Variants in MYO16 observed in about 807,000 individuals in gnomAD.
MYO16 encodes myosin XVI.
A neutral mutation model predicts 205.3 loss-of-function variants in MYO16; 94 were observed. The ratio of observed to expected loss-of-function variants is 0.46; its 90% CI spans 0.39 to 0.54. The LOEUF (loss-of-function observed/expected upper bound fraction) is 0.54. Among genes scored for constraint, MYO16 ranks in the 20% least tolerant of loss-of-function variants. The probability of loss-of-function intolerance (pLI) is 0.00; values close to 1 mark genes in which losing one functional copy is unlikely to be tolerated. For synonymous variants in MYO16, 988 were observed against 954.0 expected, an observed-to-expected ratio of 1.04 and a Z score of -0.66; for missense variants, 2,315 against 2,387.5, an observed-to-expected ratio of 0.97 and a Z score of 0.63.
chr13:108,823,111 T>A lies in MYO16; in HGVS notation c.944-14T>A. The A allele has an allele frequency of 3.1e-6, 5 of 1,601,230 alleles. No homozygotes were observed. The highest frequency in any genetic ancestry group is 4.2e-6 in the Non-Finnish European group (5 of 1,177,100). ...CCCATCATTTTTCTGATTTTTCTTA[T>A]TTTTTTCTTGTAGATATTGCTGCCT... On this transcript the variant is annotated splice_polypyrimidine_tract_variant and intron_variant, in intron 8 of 34. Transcript: ENST00000457511.
At chr13:108,916,440 C>T (rs1237390765) in intron 16 of MYO16, among the ~76,000 whole-genome samples, 1 of 152,204 alleles carries the variant, frequency 6.6e-6, no homozygotes, top group Non-Finnish European at 1.5e-5. Context: ...TCTTTATCTC[C>T]TCGTGTCACT....
chr13:109,116,401 A>G (rs1015250258), intron 28 of MYO16, among the ~76,000 whole-genome samples: 1 of 151,952 alleles, frequency 6.6e-6, no homozygotes, highest in Non-Finnish European at 1.5e-5. Flanking sequence ...ACCATTGCGC[A>G]TGTCTGCCTT....
chr13:108,828,033 A>T (rs1292660483), intron 9 of MYO16, among the ~76,000 whole-genome samples: 1 of 152,132 alleles, frequency 6.6e-6, no homozygotes, highest in Non-Finnish European at 1.5e-5. Context: ...AGTTTTGACA[A>T]CTGATATTTT....
intron 34 of MYO16, among the ~76,000 whole-genome samples, chr13:109,194,166 C>T (rs779693006): frequency 5.3e-5 from 8 of 152,138 alleles, no homozygotes; most frequent in Non-Finnish European, 8.8e-5. Flanking sequence ...TGAATGAAAG[C>T]CCCTCGATGG....
rs551822969 is a variant in MYO16, at chr13:108,925,150, G to T, written c.1925+15000G>T. Among the ~76,000 whole-genome samples, 41 of 152,212 alleles carry T rather than the reference G, an allele frequency of 2.7e-4. No individual in the cohort carries two copies. In the South Asian group the frequency reaches 7.9e-3, roughly 29 times the overall value. On this transcript the variant is annotated intron_variant, in intron 16 of 34. Coordinates refer to ENST00000457511, the MANE Select transcript of MYO16 (RefSeq NM_001198950.3). The stretch of plus-strand genomic sequence containing the variant: ...AAGGTGGAGTGACTTGGGTGTCCTT[G>T]ATTCTGAAAGGGCGGCACTCTCTCA...
At chr13:109,193,655 T>G (rs1594176091) in intron 34 of MYO16, among the ~76,000 whole-genome samples, 1 of 152,160 alleles carries the variant, frequency 6.6e-6, no homozygotes, top group South Asian at 2.1e-4. Flanking sequence ...TGTAACAGGT[T>G]GGGGAAAGTA....
At chr13:108,504,745 C>G in the MYO16 span, among the ~76,000 whole-genome samples, 1 of 150,694 alleles carries the variant, frequency 6.6e-6, no homozygotes, top group Non-Finnish European at 1.5e-5. Flanking sequence ...CCATGTTGGC[C>G]AGGATGGTCT....
chr13:108,601,624 A>G (rs1426706468), intron 1 of MYO16, among the ~76,000 whole-genome samples: 3 of 152,072 alleles, frequency 2.0e-5, no homozygotes, highest in Non-Finnish European at 4.4e-5. Context: ...CAGAGAAGTT[A>G]TAAGATAATC....
rs1242150468 is a variant in MYO16 at position 109,206,894 on chromosome 13, A to C, written c.*58A>C. 3.3e-6 allele frequency: 5 copies of C among 1,495,346 alleles called. No individual in the cohort carries two copies. The East Asian group carries it at 1.2e-4, about 36-fold the overall frequency. 92.6% of individuals were successfully genotyped at this position (1,495,346 alleles called of 1,614,324 possible). ...CTGCCTACTGATTCCGGGCTGCAAC[A>C]ACAGAAGGCTGCCTTCTGACATGCG... is the stretch of plus-strand genomic sequence containing the variant. On this transcript the variant is annotated 3_prime_UTR_variant, in exon 35 of 35. Coordinates refer to ENST00000457511, the MANE Select transcript of MYO16 (RefSeq NM_001198950.3).
At chr13:108,672,280 T>C (rs191455173) in intron 2 of MYO16, among the ~76,000 whole-genome samples, 3 of 152,182 alleles carry the variant, frequency 2.0e-5, no homozygotes, top group Non-Finnish European at 4.4e-5. Context: ...GCTATTGAAA[T>C]AGTCAAATGC....
At chr13:108,509,290 G>A in the MYO16 span, among the ~76,000 whole-genome samples, 1 of 152,130 alleles carries the variant, frequency 6.6e-6, no homozygotes, top group African/African-American at 2.4e-5. Context: ...GTATTTTTAA[G>A]TGACGATTTC....
intron 32 of MYO16, among the ~76,000 whole-genome samples, chr13:109,154,348 T>G (rs1017558061): frequency 2.0e-5 from 3 of 152,144 alleles, no homozygotes; most frequent in African/African-American, 7.2e-5. Context: ...GCCACGTTTC[T>G]CCTTGGTGAA....
the MYO16 span, among the ~76,000 whole-genome samples, chr13:108,572,160 C>T: frequency 1.3e-5 from 2 of 152,126 alleles, no homozygotes; most frequent in South Asian, 2.1e-4. Context: ...CTCCTGCCCT[C>T]AAGTGACTCT....
intron 27 of MYO16, among the ~76,000 whole-genome samples, chr13:109,068,589 A>ATTTTT (rs35068937): frequency 7.6e-6 from 1 of 132,398 alleles, no homozygotes; most frequent in Non-Finnish European, 1.6e-5. Context: ...TAAGCCATGA[A>ATTTTT]TTTTTTTTTT....
At chr13:108,830,911 TTTAAGTGCC>T (rs1435893831) in intron 9 of MYO16, among the ~76,000 whole-genome samples, 1 of 152,206 alleles carries the variant, frequency 6.6e-6, no homozygotes, top group African/African-American at 2.4e-5. Context: ...AGTCCATTAT[TTTAAGTGCC>T]AAAATAACCA....
At chr13:108,624,805 G>C (rs1161175716), upstream of MYO16, among the ~76,000 whole-genome samples, 3 of 151,654 alleles carry the variant, frequency 2.0e-5, no homozygotes, top group Non-Finnish European at 4.4e-5. Context: ...GTGTGTGTGT[G>C]TGTGTGTGTG....
At chr13:108,869,984 A>AAT (rs1347849679) in intron 12 of MYO16, among the ~76,000 whole-genome samples, 3 of 151,292 alleles carry the variant, frequency 2.0e-5, no homozygotes, top group Admixed American at 6.6e-5. Context: ...TTCATTTAAA[A>AAT]ATATATATAT....
intron 3 of MYO16, among the ~76,000 whole-genome samples, chr13:108,721,799 C>G (rs1884174186): frequency 6.6e-6 from 1 of 152,100 alleles, no homozygotes; most frequent in African/African-American, 2.4e-5. Flanking sequence ...ATGGTGTTTT[C>G]AGAGAGGCTG....
Position 108,629,849 on chromosome 13 carries a change from C to T in MYO16, c.5C>T (p.Ser2Phe), listed in dbSNP as rs557653326. Reference sequence around the variant, plus strand: ...ATTCCTGTCTGAGATGGAAAGATGTCTCACTATCATTTTATCAAGTGCTGT... The same window carrying T: ...ATTCCTGTCTGAGATGGAAAGATGTTTCACTATCATTTTATCAAGTGCTGT... MSHYHFIKCCCF... is the reference protein window; with the variant it reads MFHYHFIKCCCF... Residue 2 changes from serine (S) to phenylalanine (F), a missense_variant, in exon 1 of 35, where the codon TCT becomes TTT. Coordinates refer to ENST00000457511, the MANE Select transcript of MYO16 (RefSeq NM_001198950.3). 4.6e-6 allele frequency: 7 copies of T among 1,529,308 alleles called. No individual in the cohort carries two copies. In the Admixed American group the frequency reaches 1.4e-4, roughly 30 times the overall value. 94.7% of individuals were successfully genotyped at this position (1,529,308 alleles called of 1,614,324 possible). A position where few individuals can be genotyped will look rare whatever the true frequency, so the allele number is the denominator to read the frequency against.
Sources: allele counts gnomAD v4.1 joint callset (sites outside exome capture counted in the v4.1 genomes callset), GRCh38; gene constraint gnomAD v4.1.1; transcripts MANE v1.5; gene names NCBI Gene and HGNC (gene_info 2026-07-23, HGNC 2026-07-21).